The following CD177 variants were observed in gnomAD, a reference collection of about 807,000 sequenced individuals.
CD177 encodes CD177 molecule.
A neutral mutation model predicts 38.1 loss-of-function variants in CD177; 41 were observed. That is an observed-to-expected ratio of 1.07 (90% CI 0.84 to 1.39). CD177 has a LOEUF of 1.39. CD177 is among the 40% of genes most tolerant of loss of function. The probability of loss-of-function intolerance (pLI) is 0.00; values close to 1 mark genes in which losing one functional copy is unlikely to be tolerated. For synonymous variants in CD177, 236 were observed against 216.7 expected, an observed-to-expected ratio of 1.09 and a Z score of -0.78; for missense variants, 619 against 523.8, an observed-to-expected ratio of 1.18 and a Z score of -1.77.
chr19:43,355,625 C>T lies in CD177; in HGVS notation c.380-36C>T, dbSNP rs759041448. On this transcript the variant is annotated intron_variant, in intron 3 of 8. Coordinates refer to ENST00000618265, the MANE Select transcript of CD177 (RefSeq NM_020406.4). ...GGTATCTGATCAAATCCAGTGCCCT[C>T]TCAGTGCCCCCTCACTCTGTCTGTC... 14 of 1,611,666 alleles carry T rather than the reference C, an allele frequency of 8.7e-6. No homozygotes were observed. The East Asian group carries it at 2.9e-4, about 33-fold the overall frequency.
downstream of CD177, among the ~76,000 whole-genome samples, chr19:43,365,781 G>T (rs1025127473): frequency 4.0e-5 from 6 of 151,844 alleles, no homozygotes; most frequent in Admixed American, 3.9e-4. Flanking sequence ...AGGTCACAGG[G>T]CTTCCCAGGA....
chr19:43,361,289 A>G lies in CD177; in HGVS notation c.907A>G (p.Ser303Gly). ...FCSSDLCNSASSSSVLLNSLP... is the reference protein window; with the variant it reads ...FCSSDLCNSAGSSSVLLNSLP... ...CTCCTCGGACCTGTGCAATAGTGCC[A>G]GCAGCAGCAGCGTTCTGCTGAACTC... The change falls in exon 7 of 9, where the codon AGC (serine) becomes GGC (glycine). Residue 303 changes from serine (S) to glycine (G), a missense_variant. Ser to Gly is a moderately conservative substitution (Grantham distance 56). Transcript: ENST00000618265. 6.5e-7 allele frequency: 1 copy of G among 1,539,878 alleles called. No individual in the cohort carries two copies. Among genetic ancestry groups the G allele is most frequent in the Non-Finnish European group, 8.9e-7 (1 of 1,119,986 alleles).
chr19:43,359,911 A>G (rs961800150), intron 5 of CD177, among the ~76,000 whole-genome samples: 54 of 147,326 alleles, frequency 3.7e-4, no homozygotes, highest in Non-Finnish European at 6.3e-4. Flanking sequence ...GGTATGAGAA[A>G]GGTCTCAGGC....
rs558533899 is a variant in CD177 at position 43,362,435 on chromosome 19, A to G, written c.*115A>G. Reference sequence around the variant, plus strand: ...TTCTTTCCCATTCTGTCCATGAATCATCTTCCCCACACACAATCATTCATA... The same window carrying G: ...TTCTTTCCCATTCTGTCCATGAATCGTCTTCCCCACACACAATCATTCATA... On this transcript the variant is annotated 3_prime_UTR_variant, in exon 9 of 9. Transcript: ENST00000618265. 16 of 589,956 alleles carry G rather than the reference A, an allele frequency of 2.7e-5. No individual in the cohort carries two copies. The highest frequency in any genetic ancestry group is 2.6e-4 in the African/African-American group (14 of 53,788). 36.5% of individuals were successfully genotyped at this position (589,956 alleles called of 1,614,324 possible). A position where few individuals can be genotyped will look rare whatever the true frequency, so the allele number is the denominator to read the frequency against.
At chr19:43,355,087 A>AC (rs1214752595) in intron 3 of CD177, among the ~76,000 whole-genome samples, 49 of 29,356 alleles carry the variant, frequency 1.7e-3, no homozygotes, top group African/African-American at 4.2e-3. Context: ...CACCCAAGAC[A>AC]CCCCCCCTTT....
chr19:43,360,579 A>G, intron 6 of CD177, 174 bp downstream of exon 6: 1 of 663,774 alleles, frequency 1.5e-6, no homozygotes. Context: ...CTGGGGGTGA[A>G]GCAGTGGGAA....
chr19:43,354,260 G>A lies in CD177; in HGVS notation c.247G>A (p.Glu83Lys), dbSNP rs544862189. ...GGGCTGCACGGAGGCCAAGGACCAG[G>A]AGCCCCGCGTCACTGAGCACCGGAT... ...SKGCTEAKDQ[E>K]PRVTEHRMGP... Residue 83 changes from glutamate (E) to lysine (K), a missense_variant, in exon 3 of 9, where the codon GAG becomes AAG. Coordinates refer to ENST00000618265, the MANE Select transcript of CD177 (RefSeq NM_020406.4). 4.2e-5 allele frequency: 67 copies of A among 1,613,792 alleles called. No individual in the cohort carries two copies. The East Asian group carries it at 1.1e-3, about 26-fold the overall frequency.
At chr19:43,360,002 A>T in intron 5 of CD177, among the ~76,000 whole-genome samples, 1 of 151,676 alleles carries the variant, frequency 6.6e-6, no homozygotes. Flanking sequence ...AAGAGCTTCC[A>T]TTGCTCTCAC....
rs552483180 is a variant in CD177, at chr19:43,360,381, G to C, written c.736G>C (p.Glu246Gln). 6.2e-7 allele frequency: 1 copy of C among 1,606,596 alleles called. No homozygotes were observed. Among genetic ancestry groups the C allele is most frequent in the East Asian group, 2.2e-5 (1 of 44,606 alleles). The change falls in exon 6 of 9, where the codon GAG becomes CAG. Residue 246 changes from glutamate (E) to glutamine (Q), a missense_variant. By Grantham distance (29) the Glu-to-Gln change is conservative. Transcript: ENST00000618265. ...EMCEVGQVCQETLLLLDVGLT... is the reference protein window; with the variant it reads ...EMCEVGQVCQQTLLLLDVGLT... ...GTGCGAGGTGGGGCAGGTGTGTCAGGAGACGCTGCTGCTCCTAGATGTAGG... is the reference window on the plus strand; with the variant it reads ...GTGCGAGGTGGGGCAGGTGTGTCAGCAGACGCTGCTGCTCCTAGATGTAGG...
At chr19:43,364,348 G>A (rs1449908653), downstream of CD177, among the ~76,000 whole-genome samples, 2 of 152,192 alleles carry the variant, frequency 1.3e-5, no homozygotes, top group Non-Finnish European at 2.9e-5. Flanking sequence ...AACCTCCTTT[G>A]GATGTTATTT....
rs761418116 is a variant in CD177 at position 43,353,980 on chromosome 19, G to A, written c.180G>A (p.Met60Ile). 2 of 1,613,678 alleles carry A rather than the reference G, an allele frequency of 1.2e-6. No homozygotes were observed. The highest frequency in any genetic ancestry group is 2.2e-5 in the South Asian group (2 of 91,078). The change falls in exon 2 of 9, where the codon ATG becomes ATA. Residue 60 changes from methionine (M) to isoleucine (I), a missense_variant. Met to Ile is a conservative substitution (Grantham distance 10, BLOSUM62 1). Coordinates refer to ENST00000618265, the MANE Select transcript of CD177 (RefSeq NM_020406.4). ...GCTTGGGGTGCCAGGACACGTTGAT[G>A]CTCATTGAGAGCGGTGAGAAGGCCC... ...DSGLGCQDTLMLIESGPQVSL... is the reference protein window; with the variant it reads ...DSGLGCQDTLILIESGPQVSL...
intron 1 of CD177, 26 bp from the exon 2 acceptor site, chr19:43,353,827 A>G (rs780436932): frequency 6.2e-7 from 1 of 1,613,626 alleles, no homozygotes; most frequent in Middle Eastern, 1.7e-4. Flanking sequence ...AACCCTGCTG[A>G]GATGGATTTG....
rs754479368 is a variant in CD177 at position 43,362,173 on chromosome 19, CT to C, written c.1169del (p.Phe390SerfsTer60). ...LLNHTRQIGI[F>X]SAREKRDVQP... is the part of the protein sequence containing the mutation. ...TGAACCACACCAGACAAATCGGGAT[CT>C]TCTCTGCGCGTGAGAAGCGTGATGT... On this transcript the variant is annotated frameshift_variant, in exon 9 of 9. Coordinates refer to ENST00000618265, the MANE Select transcript of CD177 (RefSeq NM_020406.4). LOFTEE classifies it low-confidence loss of function (END_TRUNC). 1 of 1,613,648 alleles carries C rather than the reference CT, an allele frequency of 6.2e-7. No homozygotes were observed. The highest frequency in any genetic ancestry group is 8.5e-7 in the Non-Finnish European group (1 of 1,179,718).
At chr19:43,365,742 G>A (rs1392070027), downstream of CD177, among the ~76,000 whole-genome samples, 3 of 150,954 alleles carry the variant, frequency 2.0e-5, no homozygotes, top group Non-Finnish European at 4.4e-5. Flanking sequence ...CCATCCATAA[G>A]CCTGGTCTGC....
chr19:43,359,947 A>G lies in CD177; in HGVS notation c.620-318A>G, dbSNP rs185904161. On this transcript the variant is annotated intron_variant, in intron 5 of 8. Transcript: ENST00000618265. The stretch of plus-strand genomic sequence containing the variant: ...TGCCTTCCTTATTATTGAAATGAGG[A>G]CCTTAAAGCTCAGATGGGGAAGCAG... Among the ~76,000 whole-genome samples, 467 of 150,338 alleles carry G rather than the reference A, an allele frequency of 3.1e-3. 3 individuals are homozygous for G. The highest frequency in any genetic ancestry group is 4.7e-3 in the Non-Finnish European group (319 of 67,744).
Position 43,354,353 on chromosome 19 carries a change from G to GTTA in CD177, c.341_343dup (p.Val114_Asn115insIle), listed in dbSNP as rs778148574. On this transcript the variant is annotated inframe_insertion, in exon 3 of 9. Transcript: ENST00000618265. Reference sequence around the variant, plus strand: ...CCAGGAGGACTTCTGCAACAACCTCGTTAACTCCCTCCCGCTTTGGGCCCC... The same window carrying GTTA: ...CCAGGAGGACTTCTGCAACAACCTCGTTATTAACTCCCTCCCGCTTTGGGCCCC... The GTTA allele has an allele frequency of 1.2e-6, 2 of 1,613,892 alleles. No individual in the cohort carries two copies. The highest frequency in any genetic ancestry group is 2.2e-5 in the South Asian group (2 of 91,082).
At chr19:43,361,661 C>T (rs1437625590) in intron 8 of CD177, 82 bp downstream of exon 8, 18 of 1,420,826 alleles carry the variant, frequency 1.3e-5, no homozygotes, top group Non-Finnish European at 1.5e-5. Context: ...GGCTGGGGGC[C>T]TGGACTCCTG....
At chr19:43,363,744 G>A (rs966809323), downstream of CD177, among the ~76,000 whole-genome samples, 3 of 152,082 alleles carry the variant, frequency 2.0e-5, no homozygotes, top group African/African-American at 7.2e-5. Context: ...GTCTAGTACC[G>A]TTCACTCCCT....
chr19:43,353,993 G>C lies in CD177; in HGVS notation c.193G>C (p.Gly65Arg). The change falls in exon 2 of 9, where the codon GGA (glycine) becomes CGA (arginine). Residue 65 changes from glycine (G) to arginine (R), a missense_variant and splice_region_variant. Coordinates refer to ENST00000618265, the MANE Select transcript of CD177 (RefSeq NM_020406.4). ...GGACACGTTGATGCTCATTGAGAGC[G>C]GTGAGAAGGCCCTGGCGTGCAGAGA... ...CQDTLMLIES[G>R]PQVSLVLSKG... 6.2e-7 allele frequency: 1 copy of C among 1,613,476 alleles called. No individual in the cohort carries two copies.
Sources: gnomAD v4.1 joint callset for allele counts (sites outside exome capture counted in the v4.1 genomes callset) on GRCh38, gnomAD v4.1.1 for gene constraint, MANE v1.5 for transcripts, NCBI Gene and HGNC (gene_info 2026-07-23, HGNC 2026-07-21) for gene names.